MAGI1: variants seen among roughly 807,000 people sequenced by gnomAD.
MAGI1 encodes the protein membrane associated guanylate kinase, WW and PDZ domain containing 1.
In MAGI1, 58 loss-of-function variants were observed where a neutral mutation model predicts 139.9. The observed-to-expected ratio is 0.41, with a 90% confidence interval of 0.34 to 0.52. The LOEUF is 0.52. Among genes scored for constraint, MAGI1 ranks in the 20% least tolerant of loss-of-function variants. MAGI1 has a pLI of 0.12. For synonymous variants in MAGI1, 812 were observed against 737.9 expected (o/e 1.10, Z -1.63); for missense variants, 1,874 against 1,901.6 (o/e 0.99, Z 0.27).
chr3:65,910,855 C>CATTTTTTTTTTTTT lies in MAGI1; in HGVS notation c.313+127140_313+127141insAAAAAAAAAAAAAT, dbSNP rs755783850. Among the ~76,000 whole-genome samples, 3 of 59,484 alleles carry CATTTTTTTTTTTTT rather than the reference C, an allele frequency of 5.0e-5. 1 individual carries two copies. The highest frequency in any genetic ancestry group is 1.5e-3 in the East Asian group (2 of 1,338). The allele number at this position is 59,484 out of a possible 152,430, so 39.0% of individuals were successfully genotyped here. On this transcript the variant is annotated intron_variant, in intron 1 of 22. Transcript: ENST00000402939. Reference sequence around the variant, plus strand: ...TGAGGCCTCTTTCAGACATGGTGGACTTTTTTTTTTTTTTTTTTTTGAGAT... The same window carrying CATTTTTTTTTTTTT: ...TGAGGCCTCTTTCAGACATGGTGGACATTTTTTTTTTTTTTTTTTTTTTTTTTTTTTTTTGAGAT...
intron 1 of MAGI1, among the ~76,000 whole-genome samples, chr3:65,709,819 T>C (rs1425962780): frequency 1.3e-5 from 2 of 152,226 alleles, no homozygotes; most frequent in Non-Finnish European, 2.9e-5. Context: ...TTTTAGTAGC[T>C]CTAATTGACG....
At chr3:65,522,353 G>T (rs2078202159) in intron 2 of MAGI1, among the ~76,000 whole-genome samples, 1 of 152,124 alleles carries the variant, frequency 6.6e-6, no homozygotes, top group Non-Finnish European at 1.5e-5. Flanking sequence ...AGCATAGGCT[G>T]CTGGAGTTTA....
intron 1 of MAGI1, among the ~76,000 whole-genome samples, chr3:65,860,277 C>A (rs1194057276): frequency 2.0e-5 from 3 of 152,122 alleles, no homozygotes; most frequent in Non-Finnish European, 2.9e-5. Context: ...CAGAGGGAGC[C>A]CTTATTCTAT....
At chr3:65,680,335 TATG>T (rs1354681303) in intron 1 of MAGI1, among the ~76,000 whole-genome samples, 2 of 152,212 alleles carry the variant, frequency 1.3e-5, no homozygotes, top group East Asian at 3.8e-4. Context: ...CTGATTTGAA[TATG>T]ATAAGACTAT....
chr3:65,679,588 T>A (rs143313452), intron 1 of MAGI1, among the ~76,000 whole-genome samples: 1 of 151,072 alleles, frequency 6.6e-6, no homozygotes, highest in Non-Finnish European at 1.5e-5. Flanking sequence ...AAAAAGCCCA[T>A]GGAAAGAAAG....
intron 2 of MAGI1, among the ~76,000 whole-genome samples, chr3:65,578,244 C>T (rs1406569184): frequency 1.3e-5 from 2 of 152,084 alleles, no homozygotes; most frequent in African/African-American, 4.8e-5. Flanking sequence ...GAGATGAAAT[C>T]GCACCATTTC....
At chr3:65,623,382 T>C (rs17073204) in intron 1 of MAGI1, among the ~76,000 whole-genome samples, 5,140 of 152,248 alleles carry the variant, frequency 0.034, 123 homozygotes, top group Middle Eastern at 0.068. Flanking sequence ...AAATGTGTCA[T>C]AGAAAAGAGA....
At chr3:65,585,162 G>A (rs1012051553) in intron 2 of MAGI1, among the ~76,000 whole-genome samples, 1 of 152,220 alleles carries the variant, frequency 6.6e-6, no homozygotes. Context: ...GGGTCATTCA[G>A]ACAGTCAAGG....
Position 65,470,823 on chromosome 3 carries a change from G to T in MAGI1, c.758-339C>A, listed in dbSNP as rs755326121. Among the ~76,000 whole-genome samples the T allele has an allele frequency of 2.6e-5, 4 of 152,148 alleles. No individual in the cohort carries two copies. The South Asian group carries it at 8.3e-4, about 31-fold the overall frequency. Reference sequence around the variant, plus strand: ...AAACTAAGAAGGCCATCAAAACACAGATGGATCTGCACCCTCATTCCATAG... The same window carrying T: ...AAACTAAGAAGGCCATCAAAACACATATGGATCTGCACCCTCATTCCATAG... On this transcript the variant is annotated intron_variant, in intron 4 of 22. Coordinates refer to ENST00000402939, the MANE Select transcript of MAGI1 (RefSeq NM_001033057.2).
In MAGI1 at chr3:65,636,329, G is replaced by A. The variant is rs566608514; in HGVS notation, c.314-14241C>T. ...TTATTTAAAAAATATTTAGGGGAGA[G>A]AGTTCTAGGCTGATTATCAGATATT... On this transcript the variant is annotated intron_variant, in intron 1 of 22. Coordinates refer to ENST00000402939, the MANE Select transcript of MAGI1 (RefSeq NM_001033057.2). Among the ~76,000 whole-genome samples the A allele has an allele frequency of 1.2e-4, 18 of 152,208 alleles. No homozygotes were observed. The East Asian group carries it at 3.3e-3, about 28-fold the overall frequency.
At chr3:65,961,053 T>C (rs924517991) in intron 1 of MAGI1, among the ~76,000 whole-genome samples, 1 of 152,194 alleles carries the variant, frequency 6.6e-6, no homozygotes, top group African/African-American at 2.4e-5. Context: ...TAAGAAAACT[T>C]GCTTTCAACT....
chr3:65,390,201 G>A (rs1290994124), intron 14 of MAGI1, among the ~76,000 whole-genome samples: 1 of 152,162 alleles, frequency 6.6e-6, no homozygotes, highest in African/African-American at 2.4e-5. Context: ...AGCTAGGAAT[G>A]AAACCTGTGC....
intron 1 of MAGI1, among the ~76,000 whole-genome samples, chr3:65,900,089 A>G (rs2061156186): frequency 6.6e-6 from 1 of 151,834 alleles, no homozygotes; most frequent in South Asian, 2.1e-4. Flanking sequence ...AATTACCTGG[A>G]CCCAAAAAAA....
At chr3:65,720,910 T>G (rs1576879167) in intron 1 of MAGI1, among the ~76,000 whole-genome samples, 2 of 151,984 alleles carry the variant, frequency 1.3e-5, no homozygotes, top group South Asian at 4.2e-4. Context: ...ACACCACGCC[T>G]GGCTAATTTT....
At chr3:65,937,041 G>A (rs1234381046) in intron 1 of MAGI1, among the ~76,000 whole-genome samples, 1 of 151,914 alleles carries the variant, frequency 6.6e-6, no homozygotes, top group Non-Finnish European at 1.5e-5. Context: ...TCCACAGACA[G>A]TATCTCCTCC....
intron 2 of MAGI1, among the ~76,000 whole-genome samples, chr3:65,514,558 A>T (rs1188612945): frequency 5.4e-5 from 8 of 148,852 alleles, no homozygotes; most frequent in Admixed American, 2.7e-4. Context: ...ACATGAAAAA[A>T]TGCTCATCAT....
At chr3:65,840,474 GCATTA>G (rs1190181750) in intron 1 of MAGI1, among the ~76,000 whole-genome samples, 10 of 152,072 alleles carry the variant, frequency 6.6e-5, no homozygotes, top group Non-Finnish European at 5.9e-5. Context: ...TCATGGATAG[GCATTA>G]CATTTTATCA....
chr3:65,974,407 G>GGATGGATGGATGGATGGATGGA (rs1256342937), intron 1 of MAGI1, among the ~76,000 whole-genome samples: 8 of 67,912 alleles, frequency 1.2e-4, no homozygotes, highest in Non-Finnish European at 2.2e-4. Context: ...GGGTGGATGG[G>GGATGGATGGATGGATGGATGGA]TGGATGGATG....
intron 1 of MAGI1, among the ~76,000 whole-genome samples, chr3:66,006,033 A>G (rs1048953003): frequency 2.6e-5 from 4 of 152,344 alleles, no homozygotes; most frequent in African/African-American, 9.6e-5. Flanking sequence ...AATTATATTT[A>G]GAGAGATCAG....
Sources: gnomAD v4.1 joint callset for allele counts (sites outside exome capture counted in the v4.1 genomes callset) on GRCh38, gnomAD v4.1.1 for gene constraint, MANE v1.5 for transcripts, NCBI Gene and HGNC (gene_info 2026-07-23, HGNC 2026-07-21) for gene names.